Variants in PHF8 observed in about 807,000 individuals in gnomAD.
The protein encoded by PHF8 is histone lysine demethylase PHF8.
Under a neutral mutation model 74.4 loss-of-function variants are expected in PHF8, and 9 were observed. That is an observed-to-expected ratio of 0.12 (90% CI 0.07 to 0.21). The LOEUF (loss-of-function observed/expected upper bound fraction) is 0.21. Ranked by LOEUF, PHF8 falls within the 10% of genes least tolerant of loss-of-function variation. PHF8 has a pLI of 1.00. For synonymous variants in PHF8, 311 were observed against 316.6 expected (o/e 0.98, Z 0.19); for missense variants, 478 against 816.6 (o/e 0.59, Z 5.05).
At chrX:53,950,470 G>A (rs782138625) in intron 19 of PHF8, among the ~76,000 whole-genome samples, 3 of 112,546 alleles carry the variant, frequency 2.7e-5, no homozygotes, top group Admixed American at 9.5e-5. Context: ...CTGTGTTGGC[G>A]CTGTAAGACT....
upstream of PHF8, among the ~76,000 whole-genome samples, chrX:54,045,867 T>A (rs1267821802): frequency 3.6e-5 from 4 of 111,255 alleles, no homozygotes; most frequent in Non-Finnish European, 7.5e-5. Flanking sequence ...TTGTATGCAG[T>A]TAGCAAAAAG....
chrX:53,964,809 G>A (rs1557091970), intron 18 of PHF8, among the ~76,000 whole-genome samples: 1 of 105,936 alleles, frequency 9.4e-6, no homozygotes, highest in African/African-American at 3.5e-5. Context: ...GGAGGTTGCA[G>A]TGAGCCAAGA....
chrX:54,008,212 C>T (rs1341834609), intron 8 of PHF8, among the ~76,000 whole-genome samples: 3 of 109,796 alleles, frequency 2.7e-5, no homozygotes, highest in African/African-American at 1.0e-4. Flanking sequence ...ACTAAAAACA[C>T]AAAAATTAGC....
chrX:53,953,657 A>AGG (rs1557087751), intron 19 of PHF8, among the ~76,000 whole-genome samples: 2 of 95,316 alleles, frequency 2.1e-5, no homozygotes, highest in African/African-American at 8.2e-5. Flanking sequence ...AAAAAAAAAA[A>AGG]GCGGGGGGGG....
chrX:54,004,668 C>T (rs782700093), intron 8 of PHF8, among the ~76,000 whole-genome samples: 20 of 111,385 alleles, frequency 1.8e-4, no homozygotes, highest in Non-Finnish European at 3.0e-4. Flanking sequence ...TGGTGGCTCA[C>T]GCCTGTAATC....
intron 2 of PHF8, among the ~76,000 whole-genome samples, chrX:54,030,117 G>A (rs1051640221): frequency 1.8e-5 from 2 of 110,938 alleles, no homozygotes; most frequent in East Asian, 2.8e-4. Flanking sequence ...CCTTCACCAC[G>A]AGGCCTTGGA....
At chrX:54,013,902 A>G (rs994236603) in intron 7 of PHF8, among the ~76,000 whole-genome samples, 1 of 111,919 alleles carries the variant, frequency 8.9e-6, no homozygotes, top group Non-Finnish European at 1.9e-5. Flanking sequence ...AACAACCAGG[A>G]AAACCTCAGG....
intron 18 of PHF8, among the ~76,000 whole-genome samples, chrX:53,971,202 A>G (rs192218803): frequency 1.7e-3 from 187 of 111,874 alleles, no homozygotes; most frequent in African/African-American, 5.9e-3. Context: ...CCACACAACT[A>G]CATGGAAACT....
chrX:54,010,533 C>A (rs1227660344), intron 8 of PHF8, among the ~76,000 whole-genome samples: 1 of 111,437 alleles, frequency 9.0e-6, no homozygotes, highest in Non-Finnish European at 1.9e-5. Context: ...CTAGAGAATT[C>A]TACTATACAT....
chrX:54,043,450 C>T (rs1375420744), intron 1 of PHF8, among the ~76,000 whole-genome samples: 2 of 110,975 alleles, frequency 1.8e-5, no homozygotes, highest in Non-Finnish European at 3.8e-5. Context: ...AGTCAGGAGT[C>T]TCATCACCCC....
At chrX:54,000,411 T>C (rs1557103974) in intron 10 of PHF8, among the ~76,000 whole-genome samples, 1 of 112,197 alleles carries the variant, frequency 8.9e-6, no homozygotes, top group African/African-American at 3.2e-5. Context: ...ATGTAGAAGA[T>C]GGATTAGCTG....
At chrX:53,953,853 C>G (rs1473427038) in intron 19 of PHF8, among the ~76,000 whole-genome samples, 1 of 111,188 alleles carries the variant, frequency 9.0e-6, no homozygotes, top group Non-Finnish European at 1.9e-5. Flanking sequence ...CTACTATATG[C>G]TATCTATACA....
intron 20 of PHF8, among the ~76,000 whole-genome samples, chrX:53,941,402 C>T (rs1215530101): frequency 1.8e-5 from 2 of 111,855 alleles, no homozygotes; most frequent in African/African-American, 6.5e-5. Context: ...GTCTAAAAAC[C>T]TCACTTTGGG....
At position 53,987,150 on chromosome X, in the gene PHF8, T is replaced by C. The variant is rs1557099788; in HGVS notation, c.1923A>G (p.Lys641=). Residue 641 remains lysine, a synonymous_variant, in exon 16 of 22, where the codon AAA becomes AAG. Transcript: ENST00000338154. ...CAGAGCAAGGCTTCGCACGGGGCAA[T>C]TTCCGGGGAAATTCTAGAAAACAAT... ...TLIIRPKFPR[K]LPRAKPCSDP... 1 of 1,187,386 alleles carries C rather than the reference T, an allele frequency of 8.4e-7. No individual in the cohort carries two copies. Among genetic ancestry groups the C allele is most frequent in the South Asian group, 1.8e-5 (1 of 56,339 alleles).
At chrX:53,944,480 T>G in intron 19 of PHF8, 1 of 382,385 alleles carries the variant, frequency 2.6e-6, no homozygotes, top group Non-Finnish European at 4.6e-6. Flanking sequence ...AATGTGAACC[T>G]CCTTTGGCTG....
chrX:54,015,575 CAAAAAA>C (rs202093690), intron 6 of PHF8, among the ~76,000 whole-genome samples: 1 of 33,053 alleles, frequency 3.0e-5, no homozygotes, highest in African/African-American at 1.2e-4. Context: ...AACTCCGTCT[CAAAAAA>C]AAAAAAAAAA....
intron 20 of PHF8, chrX:53,942,900 A>G (rs1428516164): frequency 1.3e-5 from 10 of 751,401 alleles, no homozygotes; most frequent in Admixed American, 8.8e-5. Context: ...AGGGGCTGGA[A>G]GGAGGTCAGG....
chrX:54,002,014 C>G, intron 10 of PHF8, 141 bp downstream of exon 10: 2 of 497,095 alleles, frequency 4.0e-6, no homozygotes, highest in Non-Finnish European at 7.4e-6. Context: ...TTACGGTACA[C>G]AACATGATTT....
At chrX:54,026,353 C>CAAAAA (rs1192940345) in intron 2 of PHF8, among the ~76,000 whole-genome samples, 1 of 48,546 alleles carries the variant, frequency 2.1e-5, no homozygotes. Context: ...GATTCCATCT[C>CAAAAA]AAAAAAAAAA....
Sources: allele counts gnomAD v4.1 joint callset (sites outside exome capture counted in the v4.1 genomes callset), GRCh38; gene constraint gnomAD v4.1.1; transcripts MANE v1.5; gene names NCBI Gene and HGNC (gene_info 2026-07-23, HGNC 2026-07-21).